The following MED24 variants were observed in gnomAD, a reference collection of about 807,000 sequenced individuals.
MED24 encodes mediator complex subunit 24, also known as mediator of RNA polymerase II transcription subunit 24.
Under a neutral mutation model 118.8 loss-of-function variants are expected in MED24, and 74 were observed. The observed-to-expected ratio is 0.62, with a 90% CI of 0.52 to 0.76. The LOEUF (loss-of-function observed/expected upper bound fraction) is 0.76. Ranked by LOEUF, MED24 falls within the 30% of genes least tolerant of loss-of-function variation. The pLI, the probability that MED24 is intolerant of heterozygous loss-of-function variation, is 0.00. For missense variants in MED24, 1,041 were observed against 1,278.9 expected, an observed-to-expected ratio of 0.81 and a Z score of 2.84; for synonymous variants, 521 against 523.9, an observed-to-expected ratio of 0.99 and a Z score of 0.08.
At chr17:40,027,704 G>T (rs1010456828) in intron 15 of MED24, 5 of 678,996 alleles carry the variant, frequency 7.4e-6, no homozygotes, top group Non-Finnish European at 1.3e-5. Flanking sequence ...ATGAGGGGGG[G>T]AAGGAGACAC....
chr17:40,052,909 T>G (rs537660033), intron 3 of MED24, among the ~76,000 whole-genome samples: 2 of 152,180 alleles, frequency 1.3e-5, no homozygotes, highest in Non-Finnish European at 2.9e-5. Context: ...AAGCTGACAA[T>G]TGTACAACTG....
At chr17:40,027,236 C>A in intron 16 of MED24, 147 bp downstream of exon 16, 2 of 1,109,710 alleles carry the variant, frequency 1.8e-6, no homozygotes, top group East Asian at 2.6e-5. Flanking sequence ...GGTGCCTCTA[C>A]GGACTCCAGC....
In MED24 at chr17:40,026,318, T is replaced by C; in HGVS notation, c.1823A>G (p.Asn608Ser). ...AFESIQKITD[N>S]IKGKVCSLAV... The stretch of plus-strand genomic sequence containing the variant: ...CAGACTGCATACCTTCCCTTTGATG[T>C]TATCAGTGATTTTCTAGGGGAGACG... The change falls in exon 19 of 26, where the codon AAC (asparagine) becomes AGC (serine). Residue 608 changes from asparagine to serine, a missense_variant. By Grantham distance (46) the Asn-to-Ser change is conservative. Transcript: ENST00000394128. The C allele has an allele frequency of 6.2e-7, 1 of 1,613,428 alleles. No homozygotes were observed. Among genetic ancestry groups the C allele is most frequent in the Non-Finnish European group, 8.5e-7 (1 of 1,179,506 alleles).
chr17:40,041,188 T>C (rs1277334992), intron 3 of MED24, among the ~76,000 whole-genome samples: 3 of 152,218 alleles, frequency 2.0e-5, no homozygotes, highest in African/African-American at 2.4e-5. Flanking sequence ...TTAAACCTAA[T>C]GGATCCTTCT....
At chr17:40,039,980 TCAC>T (rs1984379057) in intron 3 of MED24, among the ~76,000 whole-genome samples, 1 of 148,818 alleles carries the variant, frequency 6.7e-6, no homozygotes, top group South Asian at 2.1e-4. Flanking sequence ...AAGCGGGGTT[TCAC>T]CATGTTAGCC....
intron 19 of MED24, chr17:40,023,679 T>C (rs1982311266): frequency 2.7e-6 from 1 of 365,256 alleles, no homozygotes; most frequent in Non-Finnish European, 4.9e-6. Flanking sequence ...TTTTCTTTTA[T>C]TCTCCAACTT....
intron 6 of MED24, among the ~76,000 whole-genome samples, chr17:40,034,342 A>AT (rs1474064315): frequency 1.3e-5 from 2 of 152,232 alleles, no homozygotes; most frequent in African/African-American, 4.8e-5. Context: ...GCAGTAAAAC[A>AT]TACTTGGGGA....
chr17:40,043,664 G>A (rs923821184), intron 3 of MED24, among the ~76,000 whole-genome samples: 7 of 151,836 alleles, frequency 4.6e-5, no homozygotes, highest in African/African-American at 1.5e-4. Context: ...CGAGGCGGGC[G>A]GATCACGAGG....
intron 3 of MED24, among the ~76,000 whole-genome samples, chr17:40,044,212 A>G (rs1399319781): frequency 6.6e-6 from 1 of 151,594 alleles, no homozygotes; most frequent in Non-Finnish European, 1.5e-5. Flanking sequence ...TTATGAATAC[A>G]TAAATTATGT....
chr17:40,022,331 T>C, intron 22 of MED24, 63 bp downstream of exon 22: 1 of 1,504,880 alleles, frequency 6.6e-7, no homozygotes, highest in South Asian at 1.2e-5. Context: ...TGGGGAATCC[T>C]TAGGAAATGC....
chr17:40,042,687 CAG>C (rs1021854778), intron 3 of MED24, among the ~76,000 whole-genome samples: 2 of 151,940 alleles, frequency 1.3e-5, no homozygotes, highest in Non-Finnish European at 2.9e-5. Flanking sequence ...TCAAAAAAAA[CAG>C]AGAAAGATAC....
intron 19 of MED24, 37 bp downstream of exon 19, chr17:40,026,119 A>C: frequency 6.3e-7 from 1 of 1,590,468 alleles, no homozygotes; most frequent in South Asian, 1.1e-5. Flanking sequence ...CTCACAACAC[A>C]CTTGAAGGGT....
At chr17:40,042,877 A>G (rs1303947968) in intron 3 of MED24, among the ~76,000 whole-genome samples, 1 of 152,250 alleles carries the variant, frequency 6.6e-6, no homozygotes, top group Non-Finnish European at 1.5e-5. Context: ...AATGGATCAA[A>G]CAAAGTAAAT....
chr17:40,019,652 C>T lies in MED24; in HGVS notation c.2854-7G>A, dbSNP rs773304580. 47 of 1,588,030 alleles carry T rather than the reference C, an allele frequency of 3.0e-5. No homozygotes were observed. The South Asian group carries it at 4.0e-4, about 13-fold the overall frequency. On this transcript the variant is annotated splice_region_variant and splice_polypyrimidine_tract_variant and intron_variant, in intron 25 of 25. Coordinates refer to ENST00000394128, the MANE Select transcript of MED24 (RefSeq NM_014815.4). ...CCTTCACCAGTTCCGACACCTGCCA[C>T]GGACAGACAGATGCTGCTTGCGGGA...
At chr17:40,037,130 G>A (rs1347784273) in intron 3 of MED24, among the ~76,000 whole-genome samples, 2 of 151,872 alleles carry the variant, frequency 1.3e-5, no homozygotes, top group East Asian at 1.9e-4. Flanking sequence ...GCAGTGAGAC[G>A]AAATCTTGCC....
At chr17:40,028,124 T>G (rs1982932911) in intron 14 of MED24, 178 bp from the exon 15 acceptor site, 4 of 644,492 alleles carry the variant, frequency 6.2e-6, no homozygotes, top group African/African-American at 1.9e-5. Flanking sequence ...GTTTTTTTTT[T>G]GTTTTTTTTG....
chr17:40,019,890 G>C lies in MED24; in HGVS notation c.2748C>G (p.Thr916=), dbSNP rs374086990. The part of the protein sequence containing the change: ...LLISSILGSR[T]AGPHTQFVQW... The stretch of plus-strand genomic sequence containing the variant: ...GCACGAACTGGGTGTGGGGGCCAGC[G>C]GTGCGAGACCCCAGGATGGAGGAGA... The change falls in exon 25 of 26, where the codon ACC becomes ACG. Residue 916 remains threonine (T), a synonymous_variant. Transcript: ENST00000394128. 1.3e-6 allele frequency: 2 copies of C among 1,578,362 alleles called. No individual in the cohort carries two copies. The highest frequency in any genetic ancestry group is 1.7e-6 in the Non-Finnish European group (2 of 1,161,250).
intron 19 of MED24, among the ~76,000 whole-genome samples, chr17:40,025,637 G>C (rs536582452): frequency 1.3e-5 from 2 of 152,280 alleles, no homozygotes; most frequent in African/African-American, 4.8e-5. Flanking sequence ...TAACACTACT[G>C]AACAGTACAC....
chr17:40,053,400 AC>A lies in MED24; in HGVS notation c.131-21del. 1 of 1,613,376 alleles carries A rather than the reference AC, an allele frequency of 6.2e-7. No individual in the cohort carries two copies. Among genetic ancestry groups the A allele is most frequent in the Non-Finnish European group, 8.5e-7 (1 of 1,179,436 alleles). On this transcript the variant is annotated intron_variant, in intron 2 of 25. Transcript: ENST00000394128. ...ACGCATCTGCAAGAGGAATAGCAAAACACAACTGAGTGATTACAACTTCTCT... is the reference window on the plus strand; with the variant it reads ...ACGCATCTGCAAGAGGAATAGCAAAAACAACTGAGTGATTACAACTTCTCT...
Sources: gnomAD v4.1 joint callset for allele counts (sites outside exome capture counted in the v4.1 genomes callset) on GRCh38, gnomAD v4.1.1 for gene constraint, MANE v1.5 for transcripts, NCBI Gene and HGNC (gene_info 2026-07-23, HGNC 2026-07-21) for gene names.